CACNA1E: variants seen among roughly 807,000 people sequenced by gnomAD.
CACNA1E encodes calcium voltage-gated channel subunit alpha1 E.
In CACNA1E, 40 loss-of-function variants were observed where a neutral mutation model predicts 259.2. That is an observed-to-expected ratio of 0.15 (90% confidence interval 0.12 to 0.20). The LOEUF (loss-of-function observed/expected upper bound fraction) is 0.20. Among genes scored for constraint, CACNA1E ranks in the 10% least tolerant of loss-of-function variants. The pLI is 1.00. For synonymous variants in CACNA1E, 1,104 were observed against 1,138.5 expected (o/e 0.97, Z 0.61); for missense variants, 1,874 against 3,040.1 (o/e 0.62, Z 9.02).
At chr1:181,414,610 A>T (rs1208375079) in intron 2 of CACNA1E, among the ~76,000 whole-genome samples, 2 of 152,200 alleles carry the variant, frequency 1.3e-5, no homozygotes, top group African/African-American at 4.8e-5. Flanking sequence ...ATTAGTATTT[A>T]GAGCCTTGCA....
chr1:181,362,513 A>T (rs1401288100), intron 1 of CACNA1E, among the ~76,000 whole-genome samples: 6 of 152,248 alleles, frequency 3.9e-5, no homozygotes, highest in African/African-American at 1.4e-4. Context: ...TGTCTGTAGA[A>T]TAGAGATGAT....
At position 181,486,582 on chromosome 1, in the gene CACNA1E, TG is replaced by T. The variant is rs1663838543; in HGVS notation, c.266+2575del. Among the ~76,000 whole-genome samples, 5 of 152,336 alleles carry T rather than the reference TG, an allele frequency of 3.3e-5. No individual in the cohort carries two copies. The South Asian group carries it at 1.0e-3, about 32-fold the overall frequency. ...CATAAAGCTTTGGAGCTAGGCTGCC[TG>T]GGTTGAAATCCTAGTTCCTTCACCA... On this transcript the variant is annotated intron_variant, in intron 1 of 47. Transcript: ENST00000367573.
intron 43 of CACNA1E, 61 bp from the exon 44 acceptor site, chr1:181,790,384 G>A: frequency 9.5e-7 from 1 of 1,055,516 alleles, no homozygotes. Context: ...CCCTGCTGGG[G>A]TGGGAATTGC....
At chr1:181,465,196 T>G (rs1049199845) in intron 2 of CACNA1E, among the ~76,000 whole-genome samples, 2 of 152,184 alleles carry the variant, frequency 1.3e-5, no homozygotes, top group Admixed American at 1.3e-4. Flanking sequence ...ATTAATAATC[T>G]AATTGCTGCT....
chr1:181,799,739 C>A lies in CACNA1E; in HGVS notation c.*905C>A, dbSNP rs1440353937. 3 of 152,246 alleles carry A rather than the reference C, an allele frequency of 2.0e-5. No homozygotes were observed. Among genetic ancestry groups the A allele is most frequent in the African/African-American group, 4.8e-5 (2 of 41,450 alleles). The allele number at this position is 152,246 out of a possible 1,614,324, so 9.4% of individuals were successfully genotyped here. ...GCCCATGCTATTCCAGGCATTGGCT[C>A]TTTAGATGCCAGTCATGGGGGAACC... On this transcript the variant is annotated 3_prime_UTR_variant, in exon 48 of 48. Coordinates refer to ENST00000367573, the MANE Select transcript of CACNA1E (RefSeq NM_001205293.3).
chr1:181,504,679 G>A (rs1665557935), intron 1 of CACNA1E, among the ~76,000 whole-genome samples: 1 of 152,204 alleles, frequency 6.6e-6, no homozygotes, highest in Non-Finnish European at 1.5e-5. Context: ...CACCACCCTT[G>A]CCCCAGCTTT....
intron 1 of CACNA1E, among the ~76,000 whole-genome samples, chr1:181,392,979 T>C (rs1656402140): frequency 6.6e-6 from 1 of 152,174 alleles, no homozygotes; most frequent in Admixed American, 6.5e-5. Flanking sequence ...AAGAATGAGA[T>C]CTGTGAAATG....
chr1:181,638,831 T>C (rs1657473077), intron 6 of CACNA1E, among the ~76,000 whole-genome samples: 1 of 152,184 alleles, frequency 6.6e-6, no homozygotes, highest in African/African-American at 2.4e-5. Flanking sequence ...CCTCCCTCCT[T>C]GTGAAGAAGG....
In CACNA1E at chr1:181,579,154, G is replaced by C. The variant is rs1226073433; in HGVS notation, c.699G>C (p.Leu233=). The part of the protein sequence containing the change: ...QIGLLLFFAI[L]MFAIIGLEFY... ...GCCTTCTGCTCTTCTTTGCCATCCT[G>C]ATGTTTGCTATCATTGGTTTGGAGT... Residue 233 remains leucine (L), a synonymous_variant, in exon 5 of 48, where the codon CTG becomes CTC. Transcript: ENST00000367573. 6.2e-7 allele frequency: 1 copy of C among 1,613,704 alleles called. No individual in the cohort carries two copies. The highest frequency in any genetic ancestry group is 8.5e-7 in the Non-Finnish European group (1 of 1,179,656).
At chr1:181,630,825 C>G (rs1656661678) in intron 6 of CACNA1E, among the ~76,000 whole-genome samples, 1 of 152,148 alleles carries the variant, frequency 6.6e-6, no homozygotes, top group Non-Finnish European at 1.5e-5. Flanking sequence ...CACCCTGGGA[C>G]CTGAAACATT....
chr1:181,555,984 C>T (rs575702597), intron 3 of CACNA1E, among the ~76,000 whole-genome samples: 56 of 152,238 alleles, frequency 3.7e-4, no homozygotes, highest in Non-Finnish European at 3.5e-4. Flanking sequence ...CTGAGACTGA[C>T]GAAAACATGG....
At chr1:181,319,167 G>A (rs1194785642) in intron 1 of CACNA1E, among the ~76,000 whole-genome samples, 3 of 152,182 alleles carry the variant, frequency 2.0e-5, no homozygotes, top group Non-Finnish European at 4.4e-5. Context: ...ATGGTTCACC[G>A]TGTTGGAACA....
chr1:181,541,489 C>T (rs1256218058), intron 3 of CACNA1E, among the ~76,000 whole-genome samples: 1 of 151,648 alleles, frequency 6.6e-6, no homozygotes, highest in Non-Finnish European at 1.5e-5. Context: ...TTGATGGTAA[C>T]AGGATCGTTG....
chr1:181,517,299 A>G (rs768776435), intron 3 of CACNA1E, among the ~76,000 whole-genome samples: 27 of 152,108 alleles, frequency 1.8e-4, no homozygotes, highest in Admixed American at 1.3e-4. Context: ...AGGCACACAG[A>G]CAGACCACAG....
At chr1:181,338,799 A>C (rs1468577183) in intron 1 of CACNA1E, among the ~76,000 whole-genome samples, 1 of 151,844 alleles carries the variant, frequency 6.6e-6, no homozygotes, top group African/African-American at 2.4e-5. Flanking sequence ...TTCAGGTCTT[A>C]TGTTTTGGTC....
intron 6 of CACNA1E, among the ~76,000 whole-genome samples, chr1:181,589,014 G>A (rs1166141590): frequency 6.6e-6 from 1 of 152,306 alleles, no homozygotes; most frequent in East Asian, 1.9e-4. Context: ...TTATTCACTC[G>A]AAGACTTATG....
chr1:181,575,071 T>G (rs528459838), intron 3 of CACNA1E, among the ~76,000 whole-genome samples: 49 of 150,672 alleles, frequency 3.3e-4, no homozygotes, highest in Admixed American at 1.3e-3. Flanking sequence ...TTCTAACAGG[T>G]GAACGGGGAG....
rs1396260503 is a variant in CACNA1E at position 181,721,678 on chromosome 1, C to T, written c.1957-80C>T. 3 of 775,500 alleles carry T rather than the reference C, an allele frequency of 3.9e-6. No individual in the cohort carries two copies. The East Asian group carries it at 8.1e-5, about 21-fold the overall frequency. 48.0% of individuals were successfully genotyped at this position (775,500 alleles called of 1,614,324 possible). ...AGGGGGTAGATGCAAAAGACCCAGG[C>T]CCAGAATTTGCCCTTGGCATTGGCC... On this transcript the variant is annotated intron_variant, in intron 15 of 47. Transcript: ENST00000367573.
chr1:181,429,963 C>CTTG (rs1659598157), intron 2 of CACNA1E, among the ~76,000 whole-genome samples: 1 of 152,220 alleles, frequency 6.6e-6, no homozygotes. Flanking sequence ...CTCATGGGGC[C>CTTG]TGCCCAGCCA....
Sources: gnomAD v4.1 joint callset for allele counts (sites outside exome capture counted in the v4.1 genomes callset) on GRCh38, gnomAD v4.1.1 for gene constraint, MANE v1.5 for transcripts, NCBI Gene and HGNC (gene_info 2026-07-23, HGNC 2026-07-21) for gene names.